Variants in ADGRA2 observed in about 807,000 individuals in gnomAD.
The protein encoded by ADGRA2 is G-protein coupled receptor 124.
Under a neutral mutation model 98.7 loss-of-function variants are expected in ADGRA2, and 61 were observed. The observed-to-expected ratio is 0.62, with a 90% CI of 0.50 to 0.76. ADGRA2 has a LOEUF of 0.76. Ranked by LOEUF, ADGRA2 falls within the 30% of genes least tolerant of loss-of-function variation. ADGRA2 has a pLI of 0.00. For synonymous variants in ADGRA2, 858 were observed against 831.5 expected (o/e 1.03, Z -0.55); for missense variants, 1,712 against 1,860.0 (o/e 0.92, Z 1.46).
At chr8:37,804,100 G>GAGACACACAC (rs1310425865) in intron 1 of ADGRA2, among the ~76,000 whole-genome samples, 59 of 107,192 alleles carry the variant, frequency 5.5e-4, no homozygotes, top group African/African-American at 1.7e-3. Flanking sequence ...CCCACGGTGA[G>GAGACACACAC]ACACACACAC....
At chr8:37,832,938 T>C in intron 8 of ADGRA2, 72 bp from the exon 9 acceptor site, 1 of 1,222,082 alleles carries the variant, frequency 8.2e-7, no homozygotes. Flanking sequence ...GGCCTCACCG[T>C]TCTAAAGTCG....
intron 3 of ADGRA2, 122 bp from the exon 4 acceptor site, chr8:37,829,139 A>G (rs1805378300): frequency 1.3e-5 from 11 of 844,506 alleles, no homozygotes; most frequent in South Asian, 1.3e-4. Context: ...CCTGGCCCCA[A>G]CCTCATCTCC....
intron 2 of ADGRA2, 130 bp from the exon 3 acceptor site, chr8:37,828,758 G>A (rs1805362762): frequency 3.0e-6 from 2 of 657,838 alleles, no homozygotes; most frequent in Admixed American, 2.8e-5. Context: ...GAGGAGAGCA[G>A]AGGTTTAGCA....
At chr8:37,829,795 C>G in intron 5 of ADGRA2, 56 bp from the exon 6 acceptor site, 8 of 1,550,974 alleles carry the variant, frequency 5.2e-6, no homozygotes, top group Non-Finnish European at 7.0e-6. Context: ...CCCCAGGCCA[C>G]CCATGAGCCC....
At chr8:37,829,189 C>CAG in intron 3 of ADGRA2, 72 bp from the exon 4 acceptor site, 1 of 1,138,274 alleles carries the variant, frequency 8.8e-7, no homozygotes, top group East Asian at 2.3e-5. Context: ...TGGCCCCACC[C>CAG]ATGTGTTCCT....
At chr8:37,838,932 G>A (rs766692477) in intron 14 of ADGRA2, 24 bp from the exon 15 acceptor site, 22 of 1,547,788 alleles carry the variant, frequency 1.4e-5, no homozygotes, top group Middle Eastern at 4.2e-4. Context: ...CATTCCTCAC[G>A]TCCTCCTTCC....
chr8:37,809,842 G>A (rs956634248), intron 1 of ADGRA2, among the ~76,000 whole-genome samples: 7 of 152,118 alleles, frequency 4.6e-5, no homozygotes, highest in East Asian at 1.9e-4. Context: ...GAGAGAGGCC[G>A]AGACCGGGAC....
At chr8:37,799,564 A>G (rs1209788734) in intron 1 of ADGRA2, among the ~76,000 whole-genome samples, 1 of 152,128 alleles carries the variant, frequency 6.6e-6, no homozygotes, top group Non-Finnish European at 1.5e-5. Flanking sequence ...TTTGCAGTAC[A>G]TCTTAGAATG....
intron 9 of ADGRA2, 26 bp downstream of exon 9, chr8:37,833,234 C>T (rs756049529): frequency 1.9e-6 from 3 of 1,562,340 alleles, no homozygotes; most frequent in South Asian, 2.3e-5. Flanking sequence ...GGCACCCCAC[C>T]AGCTCTGCTT....
chr8:37,826,239 G>A (rs961840362), intron 2 of ADGRA2, among the ~76,000 whole-genome samples: 4 of 152,176 alleles, frequency 2.6e-5, no homozygotes, highest in Non-Finnish European at 5.9e-5. Flanking sequence ...GGGAGGCTGA[G>A]CCCTGAGAAT....
chr8:37,798,655 G>C lies in ADGRA2; in HGVS notation c.266+1121G>C, dbSNP rs114795219. Among the ~76,000 whole-genome samples, 645 of 152,330 alleles carry C rather than the reference G, an allele frequency of 4.2e-3. 6 individuals carry two copies. The highest frequency in any genetic ancestry group is 0.015 in the African/African-American group (606 of 41,570). On this transcript the variant is annotated intron_variant, in intron 1 of 18. Transcript: ENST00000412232. ...TGTCCTCCTGACCCCAGTGGCAACC[G>C]TTTCTCCACCGCCCCTTGCCCGCAG...
rs1163095988 is a variant in ADGRA2, at chr8:37,834,918, A to C, written c.1609-256A>C. On this transcript the variant is annotated intron_variant, in intron 11 of 18. Coordinates refer to ENST00000412232, the MANE Select transcript of ADGRA2 (RefSeq NM_032777.10). This position sits in a 1 kb window ranked among gnomAD's most constrained non-coding sequence, Gnocchi z 4.2. ...AGCATGCCTGTAGTCCCAGATACTC[A>C]GGAGGCTGAGGTGGGAGGATTACTT... Among the ~76,000 whole-genome samples the C allele has an allele frequency of 6.6e-6, 1 of 152,006 alleles. No homozygotes were observed. Among genetic ancestry groups the C allele is most frequent in the Non-Finnish European group, 1.5e-5 (1 of 67,998 alleles).
At chr8:37,807,286 C>T (rs967666071) in intron 1 of ADGRA2, among the ~76,000 whole-genome samples, 1 of 152,174 alleles carries the variant, frequency 6.6e-6, no homozygotes, top group African/African-American at 2.4e-5. Context: ...AAGGCAGCCA[C>T]GGAGGGACGG....
Position 37,834,163 on chromosome 8 carries a change from T to G in ADGRA2, c.1608+35T>G. On this transcript the variant is annotated intron_variant, in intron 11 of 18. Transcript: ENST00000412232. This position sits in a 1 kb window ranked among gnomAD's most constrained non-coding sequence, Gnocchi z 4.2. ...GTCAGCAGAGGGGGTGGCCCTGGCATGCAGAGGAGGGAGGCGCTCCCTCTC... is the reference window on the plus strand; with the variant it reads ...GTCAGCAGAGGGGGTGGCCCTGGCAGGCAGAGGAGGGAGGCGCTCCCTCTC... 1 of 1,576,098 alleles carries G rather than the reference T, an allele frequency of 6.3e-7. No homozygotes were observed. Among genetic ancestry groups the G allele is most frequent in the Non-Finnish European group, 8.6e-7 (1 of 1,157,626 alleles).
At chr8:37,813,087 G>T (rs1289845011) in intron 1 of ADGRA2, among the ~76,000 whole-genome samples, 2 of 152,062 alleles carry the variant, frequency 1.3e-5, no homozygotes, top group Non-Finnish European at 2.9e-5. Flanking sequence ...CCTGTCACCT[G>T]CCAGGCATGA....
chr8:37,844,258 A>C lies in ADGRA2; in HGVS notation c.*1903A>C. On this transcript the variant is annotated 3_prime_UTR_variant, in exon 19 of 19. Transcript: ENST00000412232. ...GAAAGCCATCTCACAGAACATGGAC[A>C]TAGGCAACTTGCTCTCCCACACCAA... 1 of 560,932 alleles carries C rather than the reference A, an allele frequency of 1.8e-6. No homozygotes were observed. The highest frequency in any genetic ancestry group is 3.2e-6 in the Non-Finnish European group (1 of 312,272). The allele number at this position is 560,932 out of a possible 1,614,324, so 34.7% of individuals were successfully genotyped here. A position where few individuals can be genotyped will look rare whatever the true frequency, so the allele number is the denominator to read the frequency against.
In ADGRA2 at chr8:37,797,355, C is replaced by T. The variant is rs1363660496; in HGVS notation, c.87C>T (p.Pro29=). The T allele has an allele frequency of 5.7e-6, 8 of 1,410,008 alleles. No homozygotes were observed. The East Asian group carries it at 2.4e-4, about 43-fold the overall frequency. The allele number at this position is 1,410,008 out of a possible 1,614,324, so 87.3% of individuals were successfully genotyped here. Residue 29 remains proline, a synonymous_variant, in exon 1 of 19, where the codon CCC becomes CCT. Transcript: ENST00000412232. The surrounding 1 kb of genome is among the most constrained non-coding windows in gnomAD (Gnocchi z 5.3). Reference sequence around the variant, plus strand: ...CGTGGCTCCTGCTGCTCCTGGCGCCCGAGGCTCGGGGCGCGCCCGGCTGCC... The same window carrying T: ...CGTGGCTCCTGCTGCTCCTGGCGCCTGAGGCTCGGGGCGCGCCCGGCTGCC... ...LLPWLLLLLA[P]EARGAPGCPL...
In ADGRA2 at chr8:37,834,179, G is replaced by T. The variant is rs117956385; in HGVS notation, c.1608+51G>T. 4 of 1,500,094 alleles carry T rather than the reference G, an allele frequency of 2.7e-6. No individual in the cohort carries two copies. The Admixed American group carries it at 7.2e-5, about 27-fold the overall frequency. 92.9% of individuals were successfully genotyped at this position (1,500,094 alleles called of 1,614,324 possible). On this transcript the variant is annotated intron_variant, in intron 11 of 18. Coordinates refer to ENST00000412232, the MANE Select transcript of ADGRA2 (RefSeq NM_032777.10). This position sits in a 1 kb window ranked among gnomAD's most constrained non-coding sequence, Gnocchi z 4.2. Reference sequence around the variant, plus strand: ...GCCCTGGCATGCAGAGGAGGGAGGCGCTCCCTCTCAGGCGTGCACCTGCCG... The same window carrying T: ...GCCCTGGCATGCAGAGGAGGGAGGCTCTCCCTCTCAGGCGTGCACCTGCCG...
At position 37,833,073 on chromosome 8, in the gene ADGRA2, A is replaced by G. The variant is rs151196723; in HGVS notation, c.1161A>G (p.Ser387=). 51 of 1,612,932 alleles carry G rather than the reference A, an allele frequency of 3.2e-5. No homozygotes were observed. In the African/African-American group the frequency reaches 6.0e-4, roughly 19 times the overall value. Reference sequence around the variant, plus strand: ...CCTGCCTGCAGTATCCCTTCACCTCAGTGCCCCTGGGCGGGGGTGCCCCGG... The same window carrying G: ...CCTGCCTGCAGTATCCCTTCACCTCGGTGCCCCTGGGCGGGGGTGCCCCGG... The part of the protein sequence containing the change: ...YQSCLQYPFT[S]VPLGGGAPGT... The change falls in exon 9 of 19, where the codon TCA becomes TCG. Residue 387 remains serine, a synonymous_variant. Coordinates refer to ENST00000412232, the MANE Select transcript of ADGRA2 (RefSeq NM_032777.10).
Sources: gnomAD v4.1 joint callset for allele counts (sites outside exome capture counted in the v4.1 genomes callset) on GRCh38, gnomAD v4.1.1 for gene constraint, Gnocchi (gnomAD v3.1) non-coding constraint, MANE v1.5 for transcripts, NCBI Gene and HGNC (gene_info 2026-07-23, HGNC 2026-07-21) for gene names.